USP37: variants seen among roughly 807,000 people sequenced by gnomAD.
USP37 encodes the protein ubiquitin carboxyl-terminal hydrolase 37.
Under a neutral mutation model 124.0 loss-of-function variants are expected in USP37, and 27 were observed. The observed-to-expected ratio is 0.22, with a 90% CI of 0.16 to 0.30. The LOEUF is 0.30. Among genes scored for constraint, USP37 ranks in the 10% least tolerant of loss-of-function variants. USP37 has a pLI of 1.00. For missense variants in USP37, 889 were observed against 1,140.4 expected (o/e 0.78, Z 3.17); for synonymous variants, 365 against 388.0 (o/e 0.94, Z 0.70).
intron 6 of USP37, among the ~76,000 whole-genome samples, 178 bp from the exon 7 acceptor site, chr2:218,547,269 T>C (rs957061027): frequency 6.6e-6 from 1 of 152,110 alleles, no homozygotes; most frequent in Admixed American, 6.5e-5. Context: ...TTTGAGGTTA[T>C]AGTGAGCTAC....
At chr2:218,516,538 C>A (rs1458330194) in intron 10 of USP37, among the ~76,000 whole-genome samples, 1 of 147,444 alleles carries the variant, frequency 6.8e-6, no homozygotes, top group Non-Finnish European at 1.5e-5. Flanking sequence ...GGGGGCCTGT[C>A]AGGGGATGGG....
chr2:218,529,156 C>T (rs1691156450), intron 10 of USP37, among the ~76,000 whole-genome samples: 1 of 152,174 alleles, frequency 6.6e-6, no homozygotes, highest in Admixed American at 6.5e-5. Context: ...ACTCAGCCTC[C>T]TAAGTAGCTA....
chr2:218,487,011 C>A (rs1691608902), intron 15 of USP37, among the ~76,000 whole-genome samples: 1 of 152,224 alleles, frequency 6.6e-6, no homozygotes, highest in East Asian at 1.9e-4. Flanking sequence ...CAGGCGTTAG[C>A]CACCGTGCCC....
intron 22 of USP37, among the ~76,000 whole-genome samples, chr2:218,461,180 A>G (rs756315420): frequency 2.6e-5 from 4 of 152,222 alleles, no homozygotes; most frequent in Non-Finnish European, 5.9e-5. Flanking sequence ...CTCCACTAAA[A>G]TCACAGTATA....
intron 9 of USP37, among the ~76,000 whole-genome samples, chr2:218,531,693 A>C (rs1691336475): frequency 6.6e-6 from 1 of 152,384 alleles, no homozygotes; most frequent in East Asian, 1.9e-4. Flanking sequence ...GATACCATTA[A>C]GAACACTTGT....
intron 14 of USP37, among the ~76,000 whole-genome samples, chr2:218,489,381 CAAAA>C (rs1397670243): frequency 1.3e-5 from 2 of 149,388 alleles, no homozygotes; most frequent in African/African-American, 4.9e-5. Flanking sequence ...AGAAAAACAA[CAAAA>C]AAAGAAAGAA....
At chr2:218,500,786 C>CT (rs534614045) in intron 11 of USP37, 2,178 of 141,770 alleles carry the variant, frequency 0.015, 53 homozygotes, top group African/African-American at 0.05. Flanking sequence ...CATGTCATGC[C>CT]TTTTTTTTTT....
chr2:218,554,758 A>AAG lies in USP37; in HGVS notation c.157-1035_157-1034insCT, dbSNP rs1248260571. On this transcript the variant is annotated intron_variant, in intron 4 of 25. Coordinates refer to ENST00000258399, the MANE Select transcript of USP37 (RefSeq NM_020935.3). ...CAAAACTTTGTCTCAAAAAAAAAAA[A>AAG]AAAAATTGGAGTAGAATCTTTGTCT... Among the ~76,000 whole-genome samples, 6 of 152,092 alleles carry AAG rather than the reference A, an allele frequency of 3.9e-5. No homozygotes were observed. The East Asian group carries it at 1.2e-3, about 29-fold the overall frequency.
intron 14 of USP37, among the ~76,000 whole-genome samples, chr2:218,492,334 CTCATT>C (rs1688828042): frequency 2.0e-5 from 3 of 152,074 alleles, no homozygotes; most frequent in Admixed American, 1.3e-4. Context: ...AGCAAGGAAG[CTCATT>C]TCGTTAAAAT....
Position 218,460,029 on chromosome 2 carries a change from G to C in USP37, c.2528-124C>G, listed in dbSNP as rs1294874097. The C allele has an allele frequency of 1.9e-5, 9 of 473,022 alleles. 1 individual carries two copies. In the South Asian group the frequency reaches 2.3e-4, roughly 12 times the overall value. The allele number at this position is 473,022 out of a possible 1,614,324, so 29.3% of individuals were successfully genotyped here. A position where few individuals can be genotyped will look rare whatever the true frequency, so the allele number is the denominator to read the frequency against. On this transcript the variant is annotated intron_variant, in intron 22 of 25. Transcript: ENST00000258399. ...GTGGATCACCTGAGGTCAGGAGTTC[G>C]AGACCAGCCTGACCAACATGGTCAG...
At chr2:218,479,215 C>G (rs959443726) in intron 18 of USP37, among the ~76,000 whole-genome samples, 1 of 152,116 alleles carries the variant, frequency 6.6e-6, no homozygotes, top group East Asian at 1.9e-4. Context: ...AACTCCTATT[C>G]GGTGTCAAAG....
At chr2:218,511,266 A>G (rs1689976205) in intron 10 of USP37, among the ~76,000 whole-genome samples, 1 of 151,852 alleles carries the variant, frequency 6.6e-6, no homozygotes, top group Non-Finnish European at 1.5e-5. Context: ...CAGCCTCCCA[A>G]TCCCAAGTAG....
chr2:218,532,746 C>T (rs935794650), intron 9 of USP37, among the ~76,000 whole-genome samples: 3 of 151,828 alleles, frequency 2.0e-5, no homozygotes, highest in Admixed American at 6.6e-5. Context: ...CTGGGCCATA[C>T]GGCAAAACCA....
intron 9 of USP37, among the ~76,000 whole-genome samples, chr2:218,531,156 C>T (rs186484522): frequency 4.6e-5 from 7 of 152,310 alleles, no homozygotes; most frequent in East Asian, 1.9e-4. Context: ...CTAAGAGTTT[C>T]GTAGCTAGAG....
intron 5 of USP37, among the ~76,000 whole-genome samples, chr2:218,551,415 T>C (rs1692659044): frequency 2.0e-5 from 3 of 152,218 alleles, no homozygotes; most frequent in Admixed American, 2.0e-4. Context: ...GTCATACTTT[T>C]ACATTTACGA....
At chr2:218,554,422 C>T (rs935934925) in intron 4 of USP37, among the ~76,000 whole-genome samples, 4 of 152,106 alleles carry the variant, frequency 2.6e-5, no homozygotes, top group African/African-American at 9.7e-5. Flanking sequence ...GAACCTTGGA[C>T]GGTTACATTA....
intron 22 of USP37, among the ~76,000 whole-genome samples, chr2:218,462,933 G>A (rs1690091138): frequency 6.6e-6 from 1 of 152,086 alleles, no homozygotes; most frequent in Non-Finnish European, 1.5e-5. Context: ...TTGGGAGGCT[G>A]AGGAGGGTGG....
At chr2:218,558,326 TA>T (rs2106058788) in intron 4 of USP37, among the ~76,000 whole-genome samples, 171 bp downstream of exon 4, 1 of 152,286 alleles carries the variant, frequency 6.6e-6, no homozygotes, top group East Asian at 1.9e-4. Flanking sequence ...CCAACAACAA[TA>T]CTGATGAATA....
At chr2:218,463,467 G>A in intron 21 of USP37, 101 bp from the exon 22 acceptor site, 2 of 987,430 alleles carry the variant, frequency 2.0e-6, no homozygotes, top group East Asian at 2.5e-5. Flanking sequence ...TGCTAAGAAT[G>A]CTTTCTATAA....
Sources: allele counts gnomAD v4.1 joint callset (sites outside exome capture counted in the v4.1 genomes callset), GRCh38; gene constraint gnomAD v4.1.1; transcripts MANE v1.5; gene names NCBI Gene and HGNC (gene_info 2026-07-23, HGNC 2026-07-21).